LZTFL1: variants seen among roughly 807,000 people sequenced by gnomAD.
The protein encoded by LZTFL1 is leucine zipper transcription factor-like protein 1.
Under a neutral mutation model 45.9 loss-of-function variants are expected in LZTFL1, and 25 were observed. The ratio of observed to expected loss-of-function variants is 0.54; its 90% CI spans 0.40 to 0.76. The LOEUF (loss-of-function observed/expected upper bound fraction) is 0.76. Ranked by LOEUF, LZTFL1 falls within the 30% of genes least tolerant of loss-of-function variation. LZTFL1 has a pLI of 0.00. For missense variants in LZTFL1, 277 were observed against 331.1 expected, an observed-to-expected ratio of 0.84 and a Z score of 1.27; for synonymous variants, 93 against 117.4, an observed-to-expected ratio of 0.79 and a Z score of 1.35.
intron 2 of LZTFL1, among the ~76,000 whole-genome samples, chr3:45,906,206 G>C (rs1702676149): frequency 6.6e-6 from 1 of 152,214 alleles, no homozygotes; most frequent in Non-Finnish European, 1.5e-5. Context: ...ACTCCTCTGA[G>C]AAGGCTGAGA....
Position 45,872,306 on chromosome 3 carries a change from C to T in LZTFL1, c.-214-13290G>A, listed in dbSNP as rs72883076. On this transcript the variant is annotated intron_variant, in intron 2 of 4. Coordinates refer to the LZTFL1 transcript ENST00000472635. ...GCGGGGCTGTGGTGTCGATCGAGTACTTGGGGTGTGTGGCACACCCATTTA... is the reference window on the plus strand; with the variant it reads ...GCGGGGCTGTGGTGTCGATCGAGTATTTGGGGTGTGTGGCACACCCATTTA... Among the ~76,000 whole-genome samples, 1,348 of 152,118 alleles carry T rather than the reference C, an allele frequency of 8.9e-3. 20 individuals are homozygous for T. The highest frequency in any genetic ancestry group is 0.031 in the African/African-American group (1,278 of 41,490).
Position 45,901,414 on chromosome 3 carries a change from A to G in LZTFL1, c.-215+11706T>C, listed in dbSNP as rs1384630666. 1 of 1,614,178 alleles carries G rather than the reference A, an allele frequency of 6.2e-7. No homozygotes were observed. The highest frequency in any genetic ancestry group is 1.1e-5 in the South Asian group (1 of 91,082). On this transcript the variant is annotated intron_variant, in intron 2 of 4. Coordinates refer to the LZTFL1 transcript ENST00000472635. The surrounding 1 kb of genome is among the most constrained non-coding windows in gnomAD (Gnocchi z 4.3). ...GTTTACCCTAGCGATGAGAGCACCA[A>G]ACTGAAGTCAGCTGTCTTGACCCTG... is the stretch of plus-strand genomic sequence containing the variant.
chr3:45,915,614 T>G, exon 1 of LZTFL1: 1 of 422,778 alleles, frequency 2.4e-6, no homozygotes, highest in Non-Finnish European at 4.8e-6. Context: ...AGGACACTCA[T>G]GCATCTCAGG....
chr3:45,873,125 C>G (rs1222942767), intron 2 of LZTFL1, among the ~76,000 whole-genome samples: 2 of 152,156 alleles, frequency 1.3e-5, no homozygotes, highest in Non-Finnish European at 2.9e-5. Flanking sequence ...TTCTAATTTC[C>G]CCACTGCTAG....
rs1326231206 is a variant in LZTFL1, at chr3:45,901,320, G to A, written c.-215+11800C>T. Reference sequence around the variant, plus strand: ...CTTTACCATCTGGGTATTGGCAGCTGCTCTCTGCATCCCAGAAATCTTATA... The same window carrying A: ...CTTTACCATCTGGGTATTGGCAGCTACTCTCTGCATCCCAGAAATCTTATA... On this transcript the variant is annotated intron_variant, in intron 2 of 4. Transcript: ENST00000472635. This position sits in a 1 kb window ranked among gnomAD's most constrained non-coding sequence, Gnocchi z 4.3. 5 of 1,614,060 alleles carry A rather than the reference G, an allele frequency of 3.1e-6. No homozygotes were observed. The highest frequency in any genetic ancestry group is 1.3e-5 in the African/African-American group (1 of 74,924).
At chr3:45,874,018 G>A (rs933498540) in intron 2 of LZTFL1, among the ~76,000 whole-genome samples, 1 of 152,040 alleles carries the variant, frequency 6.6e-6, no homozygotes, top group Non-Finnish European at 1.5e-5. Flanking sequence ...TACATATGGG[G>A]GCCTCATCCA....
intron 1 of LZTFL1, chr3:45,841,698 C>A (rs1701119080): frequency 1.8e-6 from 1 of 552,446 alleles, no homozygotes. Context: ...TCCTCACCTG[C>A]CACCTAAGAG....
At chr3:45,914,874 C>T (rs1011302331) in intron 1 of LZTFL1, among the ~76,000 whole-genome samples, 1 of 152,186 alleles carries the variant, frequency 6.6e-6, no homozygotes, top group Non-Finnish European at 1.5e-5. Context: ...AGCTGGGTGG[C>T]GTCCCTGCTG....
At chr3:45,915,434 G>T in exon 1 of LZTFL1, 1 of 447,740 alleles carries the variant, frequency 2.2e-6, no homozygotes, top group Non-Finnish European at 4.5e-6. Context: ...GAAGACGGAC[G>T]TTTTGGCCTC....
chr3:45,836,470 C>T (rs1700969027), intron 2 of LZTFL1, among the ~76,000 whole-genome samples: 1 of 152,026 alleles, frequency 6.6e-6, no homozygotes, highest in Non-Finnish European at 1.5e-5. Flanking sequence ...ATCTGGCCAA[C>T]ACAGCAAAAA....
intron 2 of LZTFL1, among the ~76,000 whole-genome samples, chr3:45,884,556 C>T (rs1343325442): frequency 6.6e-6 from 1 of 152,262 alleles, no homozygotes; most frequent in Non-Finnish European, 1.5e-5. Flanking sequence ...CACACCGGTG[C>T]ATTTACCCCT....
At chr3:45,858,876 C>T (rs980834007) in intron 3 of LZTFL1, 2 of 152,176 alleles carry the variant, frequency 1.3e-5, no homozygotes, top group African/African-American at 4.8e-5. Context: ...CCACAGAAAT[C>T]GGTGTTTGTT....
intron 5 of LZTFL1, 194 bp downstream of exon 5, chr3:45,832,856 C>G (rs1176986401): frequency 4.1e-6 from 2 of 491,578 alleles, no homozygotes; most frequent in Admixed American, 3.6e-5. Context: ...AAGGTGTGAT[C>G]AGGAGCTACT....
chr3:45,888,108 A>G (rs1702039014), intron 2 of LZTFL1, among the ~76,000 whole-genome samples: 1 of 152,234 alleles, frequency 6.6e-6, no homozygotes, highest in Non-Finnish European at 1.5e-5. Context: ...TTGGATAATA[A>G]TAGGTTCCAA....
At chr3:45,866,729 T>C (rs1001502759) in intron 2 of LZTFL1, among the ~76,000 whole-genome samples, 2 of 152,252 alleles carry the variant, frequency 1.3e-5, no homozygotes, top group Non-Finnish European at 2.9e-5. Flanking sequence ...TAACCAATAG[T>C]GCTGTAATAT....
chr3:45,878,616 CTA>C (rs1559417025), intron 2 of LZTFL1, among the ~76,000 whole-genome samples: 1 of 148,208 alleles, frequency 6.7e-6, no homozygotes, highest in African/African-American at 2.5e-5. Flanking sequence ...AAAAGCCCCT[CTA>C]TGAAAGACAC....
chr3:45,864,816 A>C (rs1422552848), intron 2 of LZTFL1, among the ~76,000 whole-genome samples: 5 of 152,200 alleles, frequency 3.3e-5, no homozygotes, highest in Non-Finnish European at 5.9e-5. Context: ...TTCTCACCAC[A>C]TTCAGCCAAT....
chr3:45,880,063 G>A (rs1701824466), intron 2 of LZTFL1, among the ~76,000 whole-genome samples: 1 of 152,190 alleles, frequency 6.6e-6, no homozygotes, highest in African/African-American at 2.4e-5. Context: ...GACAGTGACA[G>A]GCAGAGCTGA....
At chr3:45,872,911 G>A (rs1701692416) in intron 2 of LZTFL1, among the ~76,000 whole-genome samples, 1 of 152,232 alleles carries the variant, frequency 6.6e-6, no homozygotes, top group Admixed American at 6.5e-5. Context: ...GGCTGAAGTA[G>A]GGCTGTGATG....
Sources: gnomAD v4.1 joint callset for allele counts (sites outside exome capture counted in the v4.1 genomes callset) on GRCh38, gnomAD v4.1.1 for gene constraint, Gnocchi (gnomAD v3.1) non-coding constraint, MANE v1.5 for transcripts, NCBI Gene and HGNC (gene_info 2026-07-23, HGNC 2026-07-21) for gene names.